The following P4HA3 variants were observed in gnomAD, a reference collection of about 807,000 sequenced individuals.
The protein encoded by P4HA3 is prolyl 4-hydroxylase subunit alpha-3.
A neutral mutation model predicts 66.7 loss-of-function variants in P4HA3; 60 were observed. The observed-to-expected ratio is 0.90, with a 90% CI of 0.73 to 1.12. P4HA3 has a LOEUF of 1.12. Ranked by LOEUF, P4HA3 falls within the 50% of genes most tolerant of loss-of-function variation. The pLI is 0.00. For missense variants in P4HA3, 683 were observed against 685.8 expected (o/e 1.00, Z 0.05); for synonymous variants, 263 against 274.6 (o/e 0.96, Z 0.42).
intron 9 of P4HA3, 104 bp from the exon 10 acceptor site, chr11:74,273,711 A>C: frequency 1.1e-6 from 1 of 899,652 alleles, no homozygotes; most frequent in Non-Finnish European, 1.6e-6. Context: ...GGGGCATCAA[A>C]GATGGGATAT....
rs760326472 is a variant in P4HA3, at chr11:74,311,514, G to A, written c.98C>T (p.Ala33Val). 2.0e-5 allele frequency: 31 copies of A among 1,540,108 alleles called. No individual in the cohort carries two copies. Among genetic ancestry groups the A allele is most frequent in the Admixed American group, 3.8e-5 (2 of 52,220 alleles). Residue 33 changes from alanine (A) to valine (V), a missense_variant, in exon 1 of 13, where the codon GCG becomes GTG. Ala to Val is a moderately conservative substitution (Grantham distance 64). Transcript: ENST00000331597. ...CAGGGCGCGCGCCACGCTGGTCAGCGCCGAGAACGTGTCGCCCCGAGCCGC... is the reference window on the plus strand; with the variant it reads ...CAGGGCGCGCGCCACGCTGGTCAGCACCGAGAACGTGTCGCCCCGAGCCGC... Reference protein sequence around the residue: ...RAAARGDTFSALTSVARALAP... With the variant: ...RAAARGDTFSVLTSVARALAP...
Position 74,269,649 on chromosome 11 carries a change from C to T in P4HA3, c.1467+3G>A. On this transcript the variant is annotated splice_donor_region_variant and intron_variant, in intron 11 of 12. Coordinates refer to ENST00000331597, the MANE Select transcript of P4HA3 (RefSeq NM_182904.5). ...CGTCTTCTGGGACCAGGGCCCCACT[C>T]ACCCTAACCACAGGCACGCTGAGGT... The T allele has an allele frequency of 3.7e-6, 6 of 1,613,166 alleles. No individual in the cohort carries two copies. The highest frequency in any genetic ancestry group is 5.1e-6 in the Non-Finnish European group (6 of 1,179,434).
At chr11:74,285,485 A>G (rs1268900270) in intron 7 of P4HA3, 2 of 209,844 alleles carry the variant, frequency 9.5e-6, no homozygotes, top group Non-Finnish European at 1.9e-5. Context: ...ATACAATGAT[A>G]TACACAGGTC....
At chr11:74,303,291 T>A (rs1861470662) in intron 2 of P4HA3, among the ~76,000 whole-genome samples, 2 of 137,006 alleles carry the variant, frequency 1.5e-5, no homozygotes, top group Admixed American at 1.5e-4. Flanking sequence ...TCAACAAACT[T>A]CTTTTTTTTT....
chr11:74,290,012 T>C (rs1314076227), intron 4 of P4HA3, among the ~76,000 whole-genome samples: 3 of 152,212 alleles, frequency 2.0e-5, no homozygotes, highest in Middle Eastern at 3.2e-3. Flanking sequence ...CCTTGAGGAA[T>C]CGCCACACTG....
At chr11:74,303,262 A>AAGAGT (rs1861469640) in intron 2 of P4HA3, among the ~76,000 whole-genome samples, 1 of 149,622 alleles carries the variant, frequency 6.7e-6, no homozygotes, top group African/African-American at 2.5e-5. Flanking sequence ...GACTCTTCTC[A>AAGAGT]CTGTTAGCTT....
At chr11:74,285,719 T>G in intron 7 of P4HA3, 90 bp downstream of exon 7, 17 of 1,360,376 alleles carry the variant, frequency 1.2e-5, no homozygotes, top group Non-Finnish European at 1.7e-5. Flanking sequence ...TTGAGGTGTC[T>G]AGTTGTTCAG....
chr11:74,288,546 A>G (rs913719786), intron 5 of P4HA3, among the ~76,000 whole-genome samples: 1 of 152,198 alleles, frequency 6.6e-6, no homozygotes, highest in African/African-American at 2.4e-5. Flanking sequence ...GGACAGGTTG[A>G]TATCTTCTCA....
chr11:74,273,672 C>A lies in P4HA3; in HGVS notation c.1336-65G>T. The stretch of plus-strand genomic sequence containing the variant: ...TGGCACCAGAGGGACAGGCAGGATT[C>A]CACTATTAATACAAATAGAAGTAAA... On this transcript the variant is annotated intron_variant, in intron 9 of 12. Coordinates refer to ENST00000331597, the MANE Select transcript of P4HA3 (RefSeq NM_182904.5). 4 of 1,305,532 alleles carry A rather than the reference C, an allele frequency of 3.1e-6. No individual in the cohort carries two copies. In the South Asian group the frequency reaches 6.6e-5, roughly 21 times the overall value. The allele number at this position is 1,305,532 out of a possible 1,614,324, so 80.9% of individuals were successfully genotyped here. A position where few individuals can be genotyped will look rare whatever the true frequency, so the allele number is the denominator to read the frequency against.
At chr11:74,308,340 C>T (rs1861631882) in intron 1 of P4HA3, among the ~76,000 whole-genome samples, 1 of 152,058 alleles carries the variant, frequency 6.6e-6, no homozygotes, top group South Asian at 2.1e-4. Context: ...GAGCAAGACC[C>T]CGTCTCTACC....
At chr11:74,277,624 A>G (rs1287685417) in intron 8 of P4HA3, among the ~76,000 whole-genome samples, 2 of 152,242 alleles carry the variant, frequency 1.3e-5, no homozygotes, top group Admixed American at 1.3e-4. Flanking sequence ...GTGAGAGGCA[A>G]TGCTTATGAA....
At chr11:74,304,227 G>A (rs1282984061) in intron 2 of P4HA3, 43 bp downstream of exon 2, 1 of 1,605,870 alleles carries the variant, frequency 6.2e-7, no homozygotes, top group South Asian at 1.1e-5. Flanking sequence ...CGAGTCAGGA[G>A]ATAGAATCTT....
intron 7 of P4HA3, among the ~76,000 whole-genome samples, chr11:74,281,874 T>C (rs1272988599): frequency 1.4e-5 from 2 of 146,562 alleles, no homozygotes; most frequent in Non-Finnish European, 3.0e-5. Context: ...TAAAGTATAA[T>C]AATAATAATA....
At chr11:74,287,262 C>A in intron 5 of P4HA3, 2 of 1,289,374 alleles carry the variant, frequency 1.6e-6, no homozygotes, top group Non-Finnish European at 2.0e-6. Context: ...CTCTGAGGAG[C>A]CCAGTGTGCT....
intron 4 of P4HA3, among the ~76,000 whole-genome samples, chr11:74,294,406 C>T (rs1252653216): frequency 5.9e-5 from 9 of 152,148 alleles, no homozygotes; most frequent in Admixed American, 5.9e-4. Context: ...CCTCCTGTAG[C>T]TCGGAGTAGT....
chr11:74,256,318 G>A (rs1019644966), intron 15 of P4HA3, among the ~76,000 whole-genome samples: 1 of 152,236 alleles, frequency 6.6e-6, no homozygotes, highest in East Asian at 1.9e-4. Flanking sequence ...GAGAATGAAT[G>A]AAATGCTCGT....
chr11:74,271,579 C>T (rs1860200373), intron 10 of P4HA3, among the ~76,000 whole-genome samples: 1 of 151,758 alleles, frequency 6.6e-6, no homozygotes, highest in South Asian at 2.1e-4. Context: ...CCAGGCTGGA[C>T]TCGAACTGCT....
intron 12 of P4HA3, among the ~76,000 whole-genome samples, chr11:74,267,855 A>T (rs949979574): frequency 1.3e-5 from 2 of 152,214 alleles, no homozygotes; most frequent in African/African-American, 4.8e-5. Context: ...TCCTTGGGGT[A>T]GAGTGTGGAT....
chr11:74,267,074 C>T lies in P4HA3; in HGVS notation c.*174G>A, dbSNP rs1210339520. ...GGCTGGGGCAGATCAAATGTACATT[C>T]TCAGTGTCCCCTGGTAACAACCTCT... On this transcript the variant is annotated 3_prime_UTR_variant, in exon 13 of 13. Transcript: ENST00000331597. The T allele has an allele frequency of 1.0e-5, 16 of 1,537,336 alleles. No homozygotes were observed. Among genetic ancestry groups the T allele is most frequent in the Non-Finnish European group, 1.4e-5 (16 of 1,146,982 alleles).
Sources: gnomAD v4.1 joint callset for allele counts (sites outside exome capture counted in the v4.1 genomes callset) on GRCh38, gnomAD v4.1.1 for gene constraint, MANE v1.5 for transcripts, NCBI Gene and HGNC (gene_info 2026-07-23, HGNC 2026-07-21) for gene names.